The following OR10R2 variants were observed in gnomAD, a reference collection of about 807,000 sequenced individuals.
OR10R2 encodes the protein olfactory receptor 10R2.
OR10R2 carries 1 observed loss-of-function variant against 2.4 expected under a neutral mutation model. The ratio of observed to expected loss-of-function variants is 0.41; its 90% CI spans 0.15 to 1.95. The LOEUF (loss-of-function observed/expected upper bound fraction) is 1.95. Ranked by LOEUF, OR10R2 falls within the 30% of genes most tolerant of loss-of-function variation. OR10R2 has a pLI of 0.30. For missense variants in OR10R2, 419 were observed against 373.0 expected, an observed-to-expected ratio of 1.12 and a Z score of -1.01; for synonymous variants, 166 against 144.8, an observed-to-expected ratio of 1.15 and a Z score of -1.05.
intron 1 of OR10R2, 73 bp downstream of exon 1, chr1:158,472,425 C>A (rs771213895): frequency 2.5e-6 from 1 of 398,716 alleles, no homozygotes; most frequent in Non-Finnish European, 4.4e-6. Context: ...TGGGAATATG[C>A]TAGTTTTGGG....
chr1:158,472,718 C>CA (rs1260791028), intron 1 of OR10R2, among the ~76,000 whole-genome samples: 1 of 151,974 alleles, frequency 6.6e-6, no homozygotes, highest in African/African-American at 2.4e-5. Flanking sequence ...TACGTGACAG[C>CA]AAAGGATTGG....
chr1:158,476,890 G>T (rs760829083), intron 1 of OR10R2, among the ~76,000 whole-genome samples: 1 of 151,978 alleles, frequency 6.6e-6, no homozygotes, highest in Admixed American at 6.6e-5. Flanking sequence ...TTTGAGAGGC[G>T]TCTGTTCATA....
chr1:158,479,044 C>T (rs1172588254), intron 1 of OR10R2, among the ~76,000 whole-genome samples: 2 of 152,038 alleles, frequency 1.3e-5, no homozygotes, highest in African/African-American at 4.8e-5. Flanking sequence ...CCTGAGAATG[C>T]AAATAATCAA....
At chr1:158,472,965 A>G (rs990050877) in intron 1 of OR10R2, among the ~76,000 whole-genome samples, 6 of 152,340 alleles carry the variant, frequency 3.9e-5, no homozygotes, top group African/African-American at 1.2e-4. Flanking sequence ...AACATCCCAT[A>G]TTACAGAAGA....
chr1:158,480,798 C>A (rs1308801738), exon 2 of OR10R2: 3 of 1,613,306 alleles, frequency 1.9e-6, no homozygotes, highest in Non-Finnish European at 8.5e-7. Flanking sequence ...TACTAAACCC[C>A]ATGGTTTATA....
At position 158,474,536 on chromosome 1, in the gene OR10R2, T is replaced by A. The variant is rs566078786; in HGVS notation, c.27+2184T>A. 5 of 152,328 alleles carry A rather than the reference T, an allele frequency of 3.3e-5. 1 individual carries two copies. In the South Asian group the frequency reaches 1.0e-3, roughly 32 times the overall value. 9.4% of individuals were successfully genotyped at this position (152,328 alleles called of 1,614,324 possible). On this transcript the variant is annotated intron_variant, in intron 1 of 1. Coordinates refer to ENST00000641067, the Ensembl canonical transcript of OR10R2. ...CCATAGTTCTGGCTCTAGAGAGGAA[T>A]CAGTCATGTAGAAAATACCAGACAG...
chr1:158,480,893 T>C, exon 2 of OR10R2: 1 of 1,198,842 alleles, frequency 8.3e-7, no homozygotes, highest in East Asian at 2.5e-5. Flanking sequence ...TGAAATATTA[T>C]TACATTTTAG....
chr1:158,473,444 ATG>A (rs1469651811), intron 1 of OR10R2, among the ~76,000 whole-genome samples: 1 of 152,224 alleles, frequency 6.6e-6, no homozygotes, highest in Non-Finnish European at 1.5e-5. Context: ...ACACCAAATA[ATG>A]TGTCTCAGAT....
chr1:158,474,581 G>A (rs1422609953), intron 1 of OR10R2: 1 of 152,164 alleles, frequency 6.6e-6, no homozygotes, highest in Non-Finnish European at 1.5e-5. Flanking sequence ...GGGGCCTGGA[G>A]AGAAAAAGAA....
chr1:158,478,782 T>G (rs1656321501), intron 1 of OR10R2, among the ~76,000 whole-genome samples: 1 of 152,156 alleles, frequency 6.6e-6, no homozygotes, highest in Non-Finnish European at 1.5e-5. Context: ...AAATACTTAT[T>G]CTGCATATAA....
intron 1 of OR10R2, among the ~76,000 whole-genome samples, chr1:158,473,765 T>TTCCTTCCTCCCTCCCTCCCTCCC (rs1656207025): frequency 1.4e-5 from 1 of 72,864 alleles, no homozygotes; most frequent in Non-Finnish European, 2.9e-5. Context: ...TTATCCTTCC[T>TTCCTTCCTCCCTCCCTCCCTCCC]TCCTTCCTTC....
At chr1:158,475,400 AT>A (rs1656251709) in intron 1 of OR10R2, among the ~76,000 whole-genome samples, 2 of 152,060 alleles carry the variant, frequency 1.3e-5, no homozygotes, top group African/African-American at 4.8e-5. Context: ...TTATTAGTAA[AT>A]TTTTTGTTAC....
chr1:158,472,755 A>G (rs1656187514), intron 1 of OR10R2, among the ~76,000 whole-genome samples: 1 of 152,202 alleles, frequency 6.6e-6, no homozygotes, highest in African/African-American at 2.4e-5. Flanking sequence ...AAGTAGCTGG[A>G]TGGGCAGATA....
At chr1:158,472,784 G>A (rs1403767802) in intron 1 of OR10R2, among the ~76,000 whole-genome samples, 1 of 152,076 alleles carries the variant, frequency 6.6e-6, no homozygotes, top group Non-Finnish European at 1.5e-5. Flanking sequence ...CTCAAGTTGA[G>A]ATCTTAAGGT....
chr1:158,475,521 T>C (rs1027766032), intron 1 of OR10R2, among the ~76,000 whole-genome samples: 9 of 152,100 alleles, frequency 5.9e-5, no homozygotes, highest in African/African-American at 1.9e-4. Flanking sequence ...TAAATTTTTA[T>C]ATGTTTGATG....
chr1:158,476,599 A>C (rs1239345561), intron 1 of OR10R2, among the ~76,000 whole-genome samples: 2 of 151,944 alleles, frequency 1.3e-5, no homozygotes, highest in African/African-American at 4.8e-5. Context: ...TTAAAAAATT[A>C]ATGTTTTAAT....
intron 1 of OR10R2, among the ~76,000 whole-genome samples, chr1:158,473,342 T>C (rs1391137923): frequency 2.6e-5 from 4 of 152,228 alleles, no homozygotes; most frequent in Admixed American, 2.6e-4. Context: ...GTAAGAATGA[T>C]CATTGTATAG....
chr1:158,475,830 T>G (rs1328659376), intron 1 of OR10R2, among the ~76,000 whole-genome samples: 1 of 151,890 alleles, frequency 6.6e-6, no homozygotes, highest in African/African-American at 2.4e-5. Flanking sequence ...CTTTACATTT[T>G]TTTGTATTTT....
At chr1:158,478,073 T>C (rs1218203429) in intron 1 of OR10R2, among the ~76,000 whole-genome samples, 4 of 152,100 alleles carry the variant, frequency 2.6e-5, no homozygotes, top group Non-Finnish European at 5.9e-5. Context: ...CCCTATTCAA[T>C]AAATGGTGTG....
Sources: gnomAD v4.1 joint callset for allele counts (sites outside exome capture counted in the v4.1 genomes callset) on GRCh38, gnomAD v4.1.1 for gene constraint, MANE v1.5 for transcripts, NCBI Gene and HGNC (gene_info 2026-07-23, HGNC 2026-07-21) for gene names.